Variants in SEC14L1 observed in about 807,000 individuals in gnomAD.
The protein encoded by SEC14L1 is SEC14 like lipid binding 1, also known as SEC14-like protein 1.
A neutral mutation model predicts 85.3 loss-of-function variants in SEC14L1; 48 were observed. The observed-to-expected ratio is 0.56, with a 90% CI of 0.45 to 0.72. The LOEUF is 0.72. Ranked by LOEUF, SEC14L1 falls within the 30% of genes least tolerant of loss-of-function variation. The probability of loss-of-function intolerance (pLI) is 0.00; values close to 1 mark genes in which losing one functional copy is unlikely to be tolerated. For synonymous variants in SEC14L1, 391 were observed against 355.5 expected (o/e 1.10, Z -1.12); for missense variants, 682 against 921.4 (o/e 0.74, Z 3.36).
At chr17:77,167,993 G>C (rs1350807187) in intron 3 of SEC14L1, among the ~76,000 whole-genome samples, 2 of 152,208 alleles carry the variant, frequency 1.3e-5, no homozygotes, top group African/African-American at 4.8e-5. Context: ...TCCTGTCCCT[G>C]TGTCCTTCCC....
chr17:77,205,533 C>T (rs1362190218), intron 11 of SEC14L1, among the ~76,000 whole-genome samples, 187 bp downstream of exon 11: 3 of 152,186 alleles, frequency 2.0e-5, no homozygotes, highest in African/African-American at 7.2e-5. Flanking sequence ...CCAGGCATTG[C>T]TGTGACGTCA....
intron 3 of SEC14L1, chr17:77,152,535 CAAAAA>C (rs11295576): frequency 2.8e-5 from 3 of 108,342 alleles, no homozygotes; most frequent in African/African-American, 6.8e-5. Flanking sequence ...GACTCCGTCT[CAAAAA>C]AAAAAAAAAA....
At chr17:77,144,034 G>A (rs1326998699) in intron 3 of SEC14L1, among the ~76,000 whole-genome samples, 1 of 152,088 alleles carries the variant, frequency 6.6e-6, no homozygotes, top group Non-Finnish European at 1.5e-5. Context: ...CTCTGCCTAT[G>A]GGTGAATTCA....
intron 3 of SEC14L1, among the ~76,000 whole-genome samples, chr17:77,166,022 C>A (rs575696825): frequency 6.6e-6 from 1 of 152,352 alleles, no homozygotes; most frequent in Non-Finnish European, 1.5e-5. Context: ...GGCCTGACAG[C>A]GGCTTTACTT....
At chr17:77,141,952 TC>T (rs1288655154) in intron 1 of SEC14L1, among the ~76,000 whole-genome samples, 3 of 152,178 alleles carry the variant, frequency 2.0e-5, no homozygotes, top group Non-Finnish European at 4.4e-5. Flanking sequence ...AAGAACGTGG[TC>T]CCAGCACATC....
Position 77,194,812 on chromosome 17 carries a change from A to G in SEC14L1, c.610A>G (p.Met204Val), listed in dbSNP as rs1453907493. Residue 204 changes from methionine (M) to valine (V), a missense_variant, in exon 7 of 17, where the codon ATG becomes GTG. Around this residue, in one of 3 missense-constraint regions of SEC14L1, gnomAD observed 123 missense variants for 100.6 expected, o/e 1.22. Transcript: ENST00000436233. ...ATCCTCCAAGAAACAAGCAGCGTCC[A>G]TGGCCGTCGTCATCCCAGAAGCTGC... ...SSSSKKQAAS[M>V]AVVIPEAALK... is the part of the protein sequence containing the mutation. 1 of 1,614,220 alleles carries G rather than the reference A, an allele frequency of 6.2e-7. No individual in the cohort carries two copies. The highest frequency in any genetic ancestry group is 2.2e-5 in the East Asian group (1 of 44,876).
intron 3 of SEC14L1, among the ~76,000 whole-genome samples, chr17:77,117,204 G>A (rs370019389): frequency 4.6e-5 from 7 of 152,142 alleles, no homozygotes; most frequent in South Asian, 2.1e-4. Context: ...AAAATTAGCC[G>A]GGCATGGTGA....
intron 3 of SEC14L1, among the ~76,000 whole-genome samples, chr17:77,184,350 A>G (rs2077948): frequency 0.6 from 91,536 of 152,080 alleles, 27,744 homozygotes; most frequent in Middle Eastern, 0.71. Flanking sequence ...TTACGTTAGC[A>G]TTCATTGATG....
intron 3 of SEC14L1, among the ~76,000 whole-genome samples, chr17:77,126,316 G>GC: frequency 6.6e-6 from 1 of 152,348 alleles, no homozygotes; most frequent in Non-Finnish European, 1.5e-5. Context: ...CTTGTGAAGT[G>GC]CCTAGCACAG....
chr17:77,135,185 G>C (rs1245070503), intron 3 of SEC14L1, among the ~76,000 whole-genome samples: 1 of 152,130 alleles, frequency 6.6e-6, no homozygotes, highest in East Asian at 1.9e-4. Context: ...CTCTCTCCTG[G>C]TTCTCCTTCC....
chr17:77,204,522 C>CCTTTTTTTTTTTTT (rs1555628453), intron 10 of SEC14L1, among the ~76,000 whole-genome samples: 1 of 84,728 alleles, frequency 1.2e-5, no homozygotes. Context: ...GCCCAGCCAG[C>CCTTTTTTTTTTTTT]TTTTTTTTTT....
chr17:77,135,511 T>A (rs1275502376), intron 3 of SEC14L1, among the ~76,000 whole-genome samples: 1 of 152,132 alleles, frequency 6.6e-6, no homozygotes, highest in African/African-American at 2.4e-5. Flanking sequence ...TCTTTCTTTC[T>A]CTCTTTCTTT....
In SEC14L1 at chr17:77,191,061, G is replaced by A. The variant is rs556331318; in HGVS notation, c.213+109G>A. 1.0e-4 allele frequency: 157 copies of A among 1,519,300 alleles called. No individual in the cohort carries two copies. The African/African-American group carries it at 1.5e-3, about 14-fold the overall frequency. The allele number at this position is 1,519,300 out of a possible 1,614,324, so 94.1% of individuals were successfully genotyped here. A position where few individuals can be genotyped will look rare whatever the true frequency, so the allele number is the denominator to read the frequency against. ...AGAGGGCATCCTGGAGGGAGAGGGCGTCCTGGAGGGAGAGGGCGTCCTGGA... is the reference window on the plus strand; with the variant it reads ...AGAGGGCATCCTGGAGGGAGAGGGCATCCTGGAGGGAGAGGGCGTCCTGGA... On this transcript the variant is annotated intron_variant, in intron 4 of 16. Coordinates refer to ENST00000436233, the MANE Select transcript of SEC14L1 (RefSeq NM_001143998.2).
intron 3 of SEC14L1, among the ~76,000 whole-genome samples, chr17:77,151,007 A>G (rs1341468846): frequency 6.6e-6 from 1 of 151,706 alleles, no homozygotes; most frequent in African/African-American, 2.4e-5. Context: ...TGTATTTCTG[A>G]TTCTGGTTTT....
intron 3 of SEC14L1, among the ~76,000 whole-genome samples, chr17:77,105,380 C>A (rs537676116): frequency 9.1e-6 from 1 of 109,818 alleles, no homozygotes; most frequent in East Asian, 3.4e-4. Flanking sequence ...ACCACCCCCC[C>A]CCCCACCCCA....
At chr17:77,120,634 G>A (rs987307885) in intron 3 of SEC14L1, among the ~76,000 whole-genome samples, 10 of 152,080 alleles carry the variant, frequency 6.6e-5, no homozygotes, top group African/African-American at 2.2e-4. Context: ...GTGCCACCAC[G>A]CCCAGCTAAT....
At chr17:77,166,899 A>G (rs1974306424) in intron 3 of SEC14L1, among the ~76,000 whole-genome samples, 1 of 152,170 alleles carries the variant, frequency 6.6e-6, no homozygotes, top group Non-Finnish European at 1.5e-5. Context: ...AAATGCAGTA[A>G]TCTTTGGGAA....
chr17:77,176,056 A>G (rs1914999), intron 3 of SEC14L1, among the ~76,000 whole-genome samples: 150,361 of 152,164 alleles, frequency 0.99, 74,319 homozygotes, highest in East Asian at 1. Flanking sequence ...TTGGGAGGCC[A>G]GGGTAGGTGG....
intron 3 of SEC14L1, among the ~76,000 whole-genome samples, chr17:77,150,719 T>C (rs552571553): frequency 2.6e-4 from 39 of 152,336 alleles, no homozygotes; most frequent in African/African-American, 9.1e-4. Flanking sequence ...GTTCCTCTGG[T>C]TGGTTGGGCA....
Sources: gnomAD v4.1 joint callset for allele counts (sites outside exome capture counted in the v4.1 genomes callset) on GRCh38, gnomAD v4.1.1 for gene constraint, gnomAD v4.1.1 regional missense constraint, MANE v1.5 for transcripts, NCBI Gene and HGNC (gene_info 2026-07-23, HGNC 2026-07-21) for gene names.